Variants in TMEM135 observed in about 807,000 individuals in gnomAD.
TMEM135 encodes the protein transmembrane protein 135.
Under a neutral mutation model 60.3 loss-of-function variants are expected in TMEM135, and 30 were observed. That is an observed-to-expected ratio of 0.50 (90% CI 0.37 to 0.68). The LOEUF is 0.68. Among genes scored for constraint, TMEM135 ranks in the 30% least tolerant of loss-of-function variants. The pLI, the probability that TMEM135 is intolerant of heterozygous loss-of-function variation, is 0.00. For missense variants in TMEM135, 468 were observed against 548.8 expected, an observed-to-expected ratio of 0.85 and a Z score of 1.47; for synonymous variants, 190 against 186.7, an observed-to-expected ratio of 1.02 and a Z score of -0.14.
At position 87,286,055 on chromosome 11, in the gene TMEM135, G is replaced by C. The variant is rs551841152; in HGVS notation, c.510-9727G>C. Among the ~76,000 whole-genome samples the C allele has an allele frequency of 2.6e-5, 4 of 152,270 alleles. No individual in the cohort carries two copies. The South Asian group carries it at 8.3e-4, about 32-fold the overall frequency. On this transcript the variant is annotated intron_variant, in intron 6 of 14. Coordinates refer to ENST00000305494, the MANE Select transcript of TMEM135 (RefSeq NM_022918.4). ...ATTTACAAACCTTGAGGTAGACACA[G>C]GGTGCTGATTGGTGCGTTTACAAAC...
At chr11:87,291,021 A>G (rs980582876) in intron 6 of TMEM135, among the ~76,000 whole-genome samples, 15 of 152,326 alleles carry the variant, frequency 9.8e-5, no homozygotes, top group African/African-American at 3.4e-4. Context: ...TTTCTGCATT[A>G]TAAGTTGTGG....
intron 1 of TMEM135, among the ~76,000 whole-genome samples, chr11:87,066,123 A>G (rs1260687492): frequency 6.6e-6 from 1 of 152,192 alleles, no homozygotes; most frequent in Non-Finnish European, 1.5e-5. Context: ...GACTTTCGGA[A>G]AAGTATTATC....
At chr11:87,154,059 G>A (rs146744655) in intron 4 of TMEM135, among the ~76,000 whole-genome samples, 4 of 152,140 alleles carry the variant, frequency 2.6e-5, no homozygotes, top group South Asian at 2.1e-4. Context: ...ACATTGTTGT[G>A]CGTTCACTAC....
At chr11:87,279,490 G>A (rs1044999487) in intron 6 of TMEM135, among the ~76,000 whole-genome samples, 1 of 152,174 alleles carries the variant, frequency 6.6e-6, no homozygotes, top group African/African-American at 2.4e-5. Flanking sequence ...TGAGTGCTTA[G>A]TACAATAATC....
intron 5 of TMEM135, among the ~76,000 whole-genome samples, chr11:87,223,696 C>CAT (rs1326714722): frequency 2.0e-5 from 3 of 149,520 alleles, no homozygotes; most frequent in African/African-American, 7.4e-5. Context: ...CACACACACA[C>CAT]AAAATTAGCT....
intron 3 of TMEM135, among the ~76,000 whole-genome samples, chr11:87,090,942 T>C (rs1215140336): frequency 6.6e-6 from 1 of 152,124 alleles, no homozygotes; most frequent in Non-Finnish European, 1.5e-5. Context: ...AGGCTTGTTT[T>C]ATTTATTTTT....
intron 5 of TMEM135, among the ~76,000 whole-genome samples, chr11:87,224,716 T>C (rs1286327000): frequency 2.6e-5 from 4 of 151,602 alleles, no homozygotes; most frequent in African/African-American, 7.3e-5. Context: ...TGAGTTCATA[T>C]AGCACCTTTC....
Position 87,197,287 on chromosome 11 carries a change from T to C in TMEM135, c.463-39351T>C, listed in dbSNP as rs536334458. Among the ~76,000 whole-genome samples, 29 of 152,206 alleles carry C rather than the reference T, an allele frequency of 1.9e-4. No homozygotes were observed. In the South Asian group the frequency reaches 5.8e-3, roughly 30 times the overall value. On this transcript the variant is annotated intron_variant, in intron 5 of 14. Transcript: ENST00000305494. Reference sequence around the variant, plus strand: ...GGTGCAATAGCTGGACGAGTACATATTCTTTTAATTTAATGCAAGAAATTC... The same window carrying C: ...GGTGCAATAGCTGGACGAGTACATACTCTTTTAATTTAATGCAAGAAATTC...
At chr11:87,075,952 C>T (rs1469996117) in intron 3 of TMEM135, among the ~76,000 whole-genome samples, 1 of 152,148 alleles carries the variant, frequency 6.6e-6, no homozygotes, top group Non-Finnish European at 1.5e-5. Context: ...ACAAGCATCC[C>T]TGTGGCTACC....
Position 87,239,708 on chromosome 11 carries a change from A to G in TMEM135, c.509+3024A>G, listed in dbSNP as rs139270125. 3.1e-3 allele frequency among the ~76,000 whole-genome samples: 468 copies of G among 151,266 alleles called. 3 individuals carry two copies. Among genetic ancestry groups the G allele is most frequent in the African/African-American group, 9.6e-3 (398 of 41,310 alleles). ...TAATCTGTGAATGGGCAAAGGGGAA[A>G]TGGGGAAATGAGGCCTGCTTTCAAT... On this transcript the variant is annotated intron_variant, in intron 6 of 14. Transcript: ENST00000305494.
intron 3 of TMEM135, among the ~76,000 whole-genome samples, chr11:87,084,235 TACAGAACATTTA>T (rs1399594475): frequency 6.6e-6 from 1 of 152,242 alleles, no homozygotes; most frequent in Non-Finnish European, 1.5e-5. Context: ...ACTAAGATGT[TACAGAACATTTA>T]TGTTATTTAA....
At chr11:87,072,759 T>C (rs1856795400) in intron 3 of TMEM135, among the ~76,000 whole-genome samples, 1 of 152,332 alleles carries the variant, frequency 6.6e-6, no homozygotes, top group Non-Finnish European at 1.5e-5. Flanking sequence ...TGAATAAATA[T>C]GATTTCTATA....
chr11:87,252,031 A>C (rs1348496584), intron 6 of TMEM135, among the ~76,000 whole-genome samples: 1 of 152,166 alleles, frequency 6.6e-6, no homozygotes, highest in African/African-American at 2.4e-5. Flanking sequence ...TAAATGTGAA[A>C]TAAGGAAGTA....
At chr11:87,150,500 A>G (rs565542367) in intron 4 of TMEM135, among the ~76,000 whole-genome samples, 1 of 152,334 alleles carries the variant, frequency 6.6e-6, no homozygotes, top group East Asian at 1.9e-4. Flanking sequence ...ACAGTATGGT[A>G]ATACATAAAT....
chr11:87,110,760 GTGTGTGTGTGTA>G (rs748171312), intron 4 of TMEM135, among the ~76,000 whole-genome samples: 197 of 56,066 alleles, frequency 3.5e-3, no homozygotes, highest in Admixed American at 4.7e-3. Flanking sequence ...TTAAAGGAAT[GTGTGTGTGTGTA>G]TGTGTGTGTG....
chr11:87,237,685 A>G lies in TMEM135; in HGVS notation c.509+1001A>G, dbSNP rs1941031371. ...TATCCTTTGTGTTACAAACAATCCA[A>G]TTTACACTCTTAGTTATTTAAAAAT... is the stretch of plus-strand genomic sequence containing the variant. On this transcript the variant is annotated intron_variant, in intron 6 of 14. Transcript: ENST00000305494. 2.0e-5 allele frequency among the ~76,000 whole-genome samples: 3 copies of G among 152,078 alleles called. No homozygotes were observed. The South Asian group carries it at 6.2e-4, about 32-fold the overall frequency.
intron 5 of TMEM135, among the ~76,000 whole-genome samples, chr11:87,204,967 C>T (rs1179938443): frequency 6.6e-5 from 10 of 152,208 alleles, no homozygotes; most frequent in African/African-American, 1.9e-4. Context: ...GCTTTACCTT[C>T]TCCATGAAAC....
chr11:87,082,885 A>G (rs1182635378), intron 3 of TMEM135, among the ~76,000 whole-genome samples: 1 of 152,192 alleles, frequency 6.6e-6, no homozygotes, highest in African/African-American at 2.4e-5. Flanking sequence ...TGCAATCTTT[A>G]CTCTGAGATT....
At chr11:87,135,237 A>G (rs990204710) in intron 4 of TMEM135, among the ~76,000 whole-genome samples, 2 of 151,724 alleles carry the variant, frequency 1.3e-5, no homozygotes, top group Non-Finnish European at 2.9e-5. Context: ...TAAAATTTGG[A>G]TTTAATCTAA....
Sources: gnomAD v4.1 joint callset for allele counts (sites outside exome capture counted in the v4.1 genomes callset) on GRCh38, gnomAD v4.1.1 for gene constraint, MANE v1.5 for transcripts, NCBI Gene and HGNC (gene_info 2026-07-23, HGNC 2026-07-21) for gene names.